The following DCBLD1 variants were observed in gnomAD, a reference collection of about 807,000 sequenced individuals.
DCBLD1 encodes discoidin, CUB and LCCL domain-containing protein 1.
In DCBLD1, 57 loss-of-function variants were observed where a neutral mutation model predicts 71.5. The ratio of observed to expected loss-of-function variants is 0.80; its 90% CI spans 0.64 to 0.99. The LOEUF is 0.99. Among genes scored for constraint, DCBLD1 ranks in the 50% least tolerant of loss-of-function variants. DCBLD1 has a pLI of 0.00. For missense variants in DCBLD1, 891 were observed against 923.5 expected (o/e 0.96, Z 0.46); for synonymous variants, 380 against 363.8 (o/e 1.04, Z -0.51).
chr6:117,484,193 A>G (rs1777005235), intron 1 of DCBLD1, among the ~76,000 whole-genome samples: 1 of 152,212 alleles, frequency 6.6e-6, no homozygotes. Flanking sequence ...TCAGTCCAGC[A>G]GTATGTTCCT....
At chr6:117,514,952 T>TAA (rs796751898) in intron 2 of DCBLD1, among the ~76,000 whole-genome samples, 1 of 145,248 alleles carries the variant, frequency 6.9e-6, no homozygotes, top group Non-Finnish European at 1.5e-5. Flanking sequence ...TCATAAAATC[T>TAA]AAAAAAAAAA....
rs902654452 is a variant in DCBLD1, at chr6:117,537,199, A to G, written c.734A>G (p.Asp245Gly). The G allele has an allele frequency of 6.2e-7, 1 of 1,614,104 alleles. No individual in the cohort carries two copies. The highest frequency in any genetic ancestry group is 2.2e-5 in the East Asian group (1 of 44,872). The stretch of plus-strand genomic sequence containing the variant: ...TATTGTTTCAGTGGTTCCCTGTCAG[A>G]CAAGCGATTTCTGTTTACCTCCAAT... The part of the protein sequence containing the change: ...GVLSRDGSLS[D>G]KRFLFTSNGC... The change falls in exon 7 of 15, where the codon GAC (aspartate) becomes GGC (glycine). Residue 245 changes from aspartate (D) to glycine (G), a missense_variant. Transcript: ENST00000338728.
chr6:117,567,719 T>C (rs2114604563), intron 14 of DCBLD1, among the ~76,000 whole-genome samples: 1 of 152,124 alleles, frequency 6.6e-6, no homozygotes, highest in South Asian at 2.1e-4. Flanking sequence ...ATAGTCTCTT[T>C]TACATGAACG....
At chr6:117,500,876 A>G (rs1224512913) in intron 1 of DCBLD1, among the ~76,000 whole-genome samples, 1 of 152,070 alleles carries the variant, frequency 6.6e-6, no homozygotes. Context: ...AAAAACAGTG[A>G]CACCCTAAGA....
chr6:117,497,749 G>T (rs572280004), intron 1 of DCBLD1, among the ~76,000 whole-genome samples: 1 of 152,282 alleles, frequency 6.6e-6, no homozygotes, highest in East Asian at 1.9e-4. Flanking sequence ...GACAGTCCGT[G>T]ACTTCTTCCT....
chr6:117,505,534 ACT>A (rs1777811231), intron 2 of DCBLD1, among the ~76,000 whole-genome samples: 1 of 152,070 alleles, frequency 6.6e-6, no homozygotes, highest in Non-Finnish European at 1.5e-5. Flanking sequence ...GTTGCATAAG[ACT>A]CTGTCACGTC....
chr6:117,518,531 A>G (rs1033218189), intron 2 of DCBLD1, among the ~76,000 whole-genome samples: 2 of 152,170 alleles, frequency 1.3e-5, no homozygotes, highest in African/African-American at 4.8e-5. Context: ...GTCCGTTTTC[A>G]TGCTGCTGAT....
intron 2 of DCBLD1, among the ~76,000 whole-genome samples, chr6:117,507,131 A>T (rs996268693): frequency 1.3e-5 from 2 of 152,240 alleles, no homozygotes. Flanking sequence ...TTGGAATGTG[A>T]TTACATTAAC....
At chr6:117,516,664 A>C (rs571229637) in intron 2 of DCBLD1, among the ~76,000 whole-genome samples, 2 of 152,204 alleles carry the variant, frequency 1.3e-5, no homozygotes, top group Non-Finnish European at 2.9e-5. Flanking sequence ...TGATAAGGAC[A>C]TACCTGAGAC....
chr6:117,554,972 G>A (rs1375126424), intron 14 of DCBLD1, among the ~76,000 whole-genome samples: 1 of 151,980 alleles, frequency 6.6e-6, no homozygotes, highest in Non-Finnish European at 1.5e-5. Context: ...TAGCTTGACA[G>A]AAACAATTTA....
At chr6:117,551,560 T>C (rs181993212), downstream of DCBLD1, among the ~76,000 whole-genome samples, 31 of 152,216 alleles carry the variant, frequency 2.0e-4, no homozygotes, top group Non-Finnish European at 3.7e-4. Flanking sequence ...TTTGTATTTT[T>C]AGTAGAGACG....
chr6:117,565,263 G>A (rs1779672841), intron 14 of DCBLD1, among the ~76,000 whole-genome samples: 1 of 152,060 alleles, frequency 6.6e-6, no homozygotes, highest in Non-Finnish European at 1.5e-5. Flanking sequence ...TCATATATCT[G>A]CTTCCATTCA....
chr6:117,563,453 G>T, intron 14 of DCBLD1: 3 of 1,466,048 alleles, frequency 2.0e-6, no homozygotes, highest in Non-Finnish European at 2.8e-6. Flanking sequence ...CAGGTGCAGT[G>T]GCTCATACCT....
chr6:117,543,321 C>G, intron 12 of DCBLD1, 110 bp downstream of exon 12: 1 of 850,582 alleles, frequency 1.2e-6, no homozygotes, highest in Middle Eastern at 2.3e-4. Flanking sequence ...TGGCTTCTTT[C>G]AAAATAAAAT....
chr6:117,530,683 T>A (rs557615587), intron 5 of DCBLD1, among the ~76,000 whole-genome samples: 1 of 152,312 alleles, frequency 6.6e-6, no homozygotes, highest in Admixed American at 6.5e-5. Flanking sequence ...AAAGCCAGGA[T>A]GACAAGATAA....
chr6:117,568,953 C>T (rs1008281432), intron 14 of DCBLD1, among the ~76,000 whole-genome samples: 1 of 152,154 alleles, frequency 6.6e-6, no homozygotes, highest in Non-Finnish European at 1.5e-5. Context: ...CCTCTAATTC[C>T]CTCAACTCTA....
At chr6:117,522,629 TGGG>T (rs1778423468) in intron 4 of DCBLD1, among the ~76,000 whole-genome samples, 1 of 152,032 alleles carries the variant, frequency 6.6e-6, no homozygotes, top group Non-Finnish European at 1.5e-5. Context: ...TTTTTAGAAA[TGGG>T]TGTCTTTCTA....
At chr6:117,537,662 CTTTT>C (rs68032011) in intron 7 of DCBLD1, among the ~76,000 whole-genome samples, 7 of 46,872 alleles carry the variant, frequency 1.5e-4, no homozygotes, top group East Asian at 8.6e-4. Flanking sequence ...TACATAGCAC[CTTTT>C]TTTTTTTTTT....
rs183349028 is a variant in DCBLD1, at chr6:117,521,318, A to G, written c.461-207A>G. Among the ~76,000 whole-genome samples, 9 of 152,332 alleles carry G rather than the reference A, an allele frequency of 5.9e-5. No individual in the cohort carries two copies. In the East Asian group the frequency reaches 1.7e-3, roughly 29 times the overall value. On this transcript the variant is annotated intron_variant, in intron 3 of 14. Coordinates refer to ENST00000338728, the MANE Select transcript of DCBLD1 (RefSeq NM_001366458.2). ...TAGGTGATTGTGTTGAAAAACTGTC[A>G]TTGGTGGCAGAAAAAAGAAACGAAA...
Sources: allele counts gnomAD v4.1 joint callset (sites outside exome capture counted in the v4.1 genomes callset), GRCh38; gene constraint gnomAD v4.1.1; transcripts MANE v1.5; gene names NCBI Gene and HGNC (gene_info 2026-07-23, HGNC 2026-07-21).